The following DPP6 variants were observed in gnomAD, a reference collection of about 807,000 sequenced individuals.
DPP6 encodes the protein dipeptidyl peptidase like 6, also known as A-type potassium channel modulatory protein DPP6.
A neutral mutation model predicts 122.6 loss-of-function variants in DPP6; 69 were observed. The observed-to-expected ratio is 0.56, with a 90% CI of 0.46 to 0.69. DPP6 has a LOEUF of 0.69. Ranked by LOEUF, DPP6 falls within the 30% of genes least tolerant of loss-of-function variation. The pLI is 0.00. For synonymous variants in DPP6, 418 were observed against 433.1 expected (o/e 0.97, Z 0.43); for missense variants, 928 against 1,116.9 (o/e 0.83, Z 2.41).
chr7:154,344,056 C>T (rs1190249872), intron 1 of DPP6, among the ~76,000 whole-genome samples: 1 of 152,014 alleles, frequency 6.6e-6, no homozygotes, highest in African/African-American at 2.4e-5. Context: ...TTAAAAGAAC[C>T]ATGACATGGC....
intron 7 of DPP6, among the ~76,000 whole-genome samples, chr7:154,718,794 C>G (rs1239166108): frequency 6.6e-6 from 1 of 152,102 alleles, no homozygotes; most frequent in African/African-American, 2.4e-5. Flanking sequence ...CACCCACCAC[C>G]ATGCCTGGCT....
intron 1 of DPP6, among the ~76,000 whole-genome samples, chr7:154,371,284 C>T (rs535676940): frequency 5.0e-5 from 7 of 141,046 alleles, no homozygotes; most frequent in African/African-American, 1.8e-4. Flanking sequence ...GAGGCTGAGG[C>T]AGAAGAATCA....
intron 1 of DPP6, among the ~76,000 whole-genome samples, chr7:154,200,420 C>T (rs118062414): frequency 0.016 from 2,430 of 152,218 alleles, 36 homozygotes; most frequent in Non-Finnish European, 0.024. Flanking sequence ...GCTGATCTAT[C>T]GAACGCTAGT....
intron 6 of DPP6, among the ~76,000 whole-genome samples, chr7:154,643,659 G>A (rs62475161): frequency 0.6 from 90,923 of 151,526 alleles, 27,611 homozygotes; most frequent in East Asian, 0.8. Flanking sequence ...TAGTAGAGAC[G>A]GGGTTTCACC....
At chr7:153,781,450 C>A in the DPP6 span, among the ~76,000 whole-genome samples, 4 of 152,210 alleles carry the variant, frequency 2.6e-5, no homozygotes, top group Non-Finnish European at 4.4e-5. Flanking sequence ...TTTTATCTGA[C>A]TGGGCCCCGT....
intron 1 of DPP6, chr7:154,059,587 T>C (rs1801377487): frequency 6.8e-6 from 1 of 146,430 alleles, no homozygotes; most frequent in Non-Finnish European, 1.5e-5. Flanking sequence ...CAAACTGCAG[T>C]ATGAGCAAAG....
chr7:153,876,334 C>T, the DPP6 span, among the ~76,000 whole-genome samples: 2 of 151,872 alleles, frequency 1.3e-5, no homozygotes, highest in African/African-American at 2.4e-5. Context: ...TCTGTCATTT[C>T]AGAATATACA....
At chr7:153,842,988 G>A in the DPP6 span, among the ~76,000 whole-genome samples, 2 of 152,114 alleles carry the variant, frequency 1.3e-5, no homozygotes, top group African/African-American at 4.8e-5. Flanking sequence ...GTGTGCATGT[G>A]TGTGTGCACG....
rs904502211 is a variant in DPP6 at position 154,876,198 on chromosome 7, G to A, written c.2078+98G>A. 139 of 1,388,726 alleles carry A rather than the reference G, an allele frequency of 1.0e-4. 1 individual carries two copies. The Middle Eastern group carries it at 1.9e-3, about 19-fold the overall frequency. 86.0% of individuals were successfully genotyped at this position (1,388,726 alleles called of 1,614,324 possible). On this transcript the variant is annotated intron_variant, in intron 20 of 25. Transcript: ENST00000377770. ...CAGTGCGGGAATGCTTTTTCTCCAC[G>A]CACACATTTTTCATGCAATTTGCTC...
chr7:154,170,036 T>G (rs988378535), intron 1 of DPP6, among the ~76,000 whole-genome samples: 1 of 152,126 alleles, frequency 6.6e-6, no homozygotes, highest in African/African-American at 2.4e-5. Context: ...AAAATTCTTA[T>G]CAGAGTTACA....
rs78709447 is a variant in DPP6, at chr7:153,947,639, C to T, written c.51+59905C>T. Among the ~76,000 whole-genome samples the T allele has an allele frequency of 9.6e-3, 1,457 of 152,268 alleles. 13 individuals carry two copies. The highest frequency in any genetic ancestry group is 0.02 in the Middle Eastern group (6 of 294). ...ACCCGAAGAGACAGTGATGCCTCAG[C>T]GCTTTCTGTAGTATGCTGGATGAGG... On this transcript the variant is annotated intron_variant, in intron 1 of 25. Coordinates refer to the DPP6 transcript ENST00000404039.
intron 1 of DPP6, among the ~76,000 whole-genome samples, chr7:153,891,289 T>TGG (rs1186184105): frequency 6.6e-6 from 1 of 152,088 alleles, no homozygotes; most frequent in Non-Finnish European, 1.5e-5. Flanking sequence ...CCCAAAGTGC[T>TGG]GGGATTACAG....
At chr7:153,830,974 C>G in the DPP6 span, among the ~76,000 whole-genome samples, 1 of 152,190 alleles carries the variant, frequency 6.6e-6, no homozygotes, top group Non-Finnish European at 1.5e-5. Flanking sequence ...ACTTAACATT[C>G]TTCCTACACT....
At chr7:154,322,424 A>C (rs1563477063) in intron 1 of DPP6, among the ~76,000 whole-genome samples, 1 of 152,310 alleles carries the variant, frequency 6.6e-6, no homozygotes, top group East Asian at 1.9e-4. Flanking sequence ...GGATGGGCAA[A>C]AGAGTCAACT....
rs971361682 is a variant in DPP6 at position 154,133,029 on chromosome 7, G to A, written c.243+79966G>A. ...CACTATATTGTTTATATCGTTGTCC[G>A]TTGGATTCATGCATGTCTCTTTTGT... On this transcript the variant is annotated intron_variant, in intron 1 of 25. Transcript: ENST00000377770. Among the ~76,000 whole-genome samples, 8 of 151,810 alleles carry A rather than the reference G, an allele frequency of 5.3e-5. No homozygotes were observed. The East Asian group carries it at 5.8e-4, about 11-fold the overall frequency.
rs1339201792 is a variant in DPP6 at position 154,282,102 on chromosome 7, A to G, written c.244-164112A>G. 1.3e-5 allele frequency among the ~76,000 whole-genome samples: 2 copies of G among 151,958 alleles called. No individual in the cohort carries two copies. Among genetic ancestry groups the G allele is most frequent in the Admixed American group, 1.3e-4 (2 of 15,260 alleles). ...AGTGTCCTGAGAACCAAGTGTAATGATGTGTGTTGAGGGGTGGGGACAGGG... is the reference window on the plus strand; with the variant it reads ...AGTGTCCTGAGAACCAAGTGTAATGGTGTGTGTTGAGGGGTGGGGACAGGG... On this transcript the variant is annotated intron_variant, in intron 1 of 25. Coordinates refer to ENST00000377770, the MANE Select transcript of DPP6 (RefSeq NM_130797.4). The surrounding 1 kb of genome is among the most constrained non-coding windows in gnomAD (Gnocchi z 4.8).
intron 1 of DPP6, among the ~76,000 whole-genome samples, chr7:154,024,911 C>G (rs1798898071): frequency 6.6e-6 from 1 of 152,130 alleles, no homozygotes; most frequent in Non-Finnish European, 1.5e-5. Context: ...CTGGAATTTG[C>G]CAGGGTCAAA....
chr7:153,787,155 T>C, the DPP6 span, among the ~76,000 whole-genome samples: 1 of 134,362 alleles, frequency 7.4e-6, no homozygotes, highest in Non-Finnish European at 1.7e-5. Flanking sequence ...TTTCACCGTG[T>C]TAGCCAGGAT....
chr7:154,256,428 G>A (rs1360110602), intron 1 of DPP6, among the ~76,000 whole-genome samples: 4 of 152,132 alleles, frequency 2.6e-5, no homozygotes, highest in East Asian at 3.9e-4. Flanking sequence ...ACGCCGTCAC[G>A]GAAAACGATC....
Sources: gnomAD v4.1 joint callset for allele counts (sites outside exome capture counted in the v4.1 genomes callset) on GRCh38, gnomAD v4.1.1 for gene constraint, Gnocchi (gnomAD v3.1) non-coding constraint, MANE v1.5 for transcripts, NCBI Gene and HGNC (gene_info 2026-07-23, HGNC 2026-07-21) for gene names.